The following CBFB variants were observed in gnomAD, a reference collection of about 807,000 sequenced individuals.
The protein encoded by CBFB is core-binding factor subunit beta.
CBFB carries 9 observed loss-of-function variants against 30.4 expected under a neutral mutation model. That is an observed-to-expected ratio of 0.30 (90% CI 0.18 to 0.52). The LOEUF is 0.52. CBFB is among the 20% of genes least tolerant of loss of function. CBFB has a pLI of 0.97. For synonymous variants in CBFB, 94 were observed against 84.0 expected, an observed-to-expected ratio of 1.12 and a Z score of -0.65; for missense variants, 170 against 244.0, an observed-to-expected ratio of 0.70 and a Z score of 2.02.
intron 4 of CBFB, 169 bp downstream of exon 4, chr16:67,066,967 G>A (rs1597144944): frequency 2.2e-6 from 1 of 452,066 alleles, no homozygotes. Context: ...TCCTGATTTT[G>A]GGAAAGTTTT....
chr16:67,056,600 C>T (rs1960731068), intron 3 of CBFB, among the ~76,000 whole-genome samples: 2 of 151,860 alleles, frequency 1.3e-5, no homozygotes, highest in Non-Finnish European at 2.9e-5. Flanking sequence ...TGTAAACATC[C>T]CGTGTAACAT....
intron 3 of CBFB, among the ~76,000 whole-genome samples, chr16:67,043,822 A>G (rs1285082809): frequency 6.6e-6 from 1 of 152,198 alleles, no homozygotes; most frequent in Non-Finnish European, 1.5e-5. Flanking sequence ...TAACTGATTG[A>G]TAGAGTGTTT....
intron 5 of CBFB, among the ~76,000 whole-genome samples, chr16:67,084,165 C>CAAA (rs368748767): frequency 0.014 from 781 of 53,928 alleles, 32 homozygotes; most frequent in African/African-American, 0.047. Flanking sequence ...GACCCTACCT[C>CAAA]AAAAAAAAAA....
chr16:67,081,683 G>A (rs1272945740), intron 4 of CBFB, among the ~76,000 whole-genome samples: 1 of 152,028 alleles, frequency 6.6e-6, no homozygotes, highest in Non-Finnish European at 1.5e-5. Flanking sequence ...GTGCGTGCCT[G>A]TAGTCCCAGC....
At chr16:67,046,550 T>C (rs571678918) in intron 3 of CBFB, among the ~76,000 whole-genome samples, 144 of 152,344 alleles carry the variant, frequency 9.5e-4, no homozygotes, top group Non-Finnish European at 1.7e-3. Flanking sequence ...AGGTATAATT[T>C]ACATGTAGTA....
intron 5 of CBFB, among the ~76,000 whole-genome samples, chr16:67,083,809 C>T (rs1416262902): frequency 1.3e-5 from 2 of 151,644 alleles, no homozygotes; most frequent in Non-Finnish European, 2.9e-5. Flanking sequence ...TTAAACAGAC[C>T]TCAATTATAA....
chr16:67,089,183 A>G (rs917573056), intron 5 of CBFB, among the ~76,000 whole-genome samples: 6 of 152,330 alleles, frequency 3.9e-5, no homozygotes, highest in Non-Finnish European at 8.8e-5. Flanking sequence ...TGTTTATGTT[A>G]GTAACCTTTA....
intron 3 of CBFB, among the ~76,000 whole-genome samples, chr16:67,054,184 T>C (rs968887822): frequency 3.9e-5 from 6 of 152,136 alleles, no homozygotes; most frequent in African/African-American, 1.4e-4. Flanking sequence ...TGTTTCTTGG[T>C]TTACGGTCTC....
chr16:67,086,948 C>G (rs1961748114), intron 5 of CBFB, among the ~76,000 whole-genome samples: 1 of 151,850 alleles, frequency 6.6e-6, no homozygotes, highest in Admixed American at 6.6e-5. Flanking sequence ...GGGTAGTATA[C>G]TTAGAGGGAT....
chr16:67,040,694 A>C (rs1358908278), intron 3 of CBFB, among the ~76,000 whole-genome samples: 1 of 152,210 alleles, frequency 6.6e-6, no homozygotes, highest in African/African-American at 2.4e-5. Context: ...AATATACATA[A>C]TAAGTTATGT....
At chr16:67,051,276 T>C (rs1168405410) in intron 3 of CBFB, among the ~76,000 whole-genome samples, 2 of 152,188 alleles carry the variant, frequency 1.3e-5, no homozygotes, top group South Asian at 2.1e-4. Context: ...ACAATCCACA[T>C]GTGGCTGTTG....
At chr16:67,067,456 T>A (rs1961093371) in intron 4 of CBFB, among the ~76,000 whole-genome samples, 1 of 152,144 alleles carries the variant, frequency 6.6e-6, no homozygotes, top group South Asian at 2.1e-4. Context: ...AGGCAGAGAT[T>A]GCGGTGAGCC....
At chr16:67,039,160 C>T (rs961484302) in intron 3 of CBFB, among the ~76,000 whole-genome samples, 2 of 152,164 alleles carry the variant, frequency 1.3e-5, no homozygotes, top group Non-Finnish European at 2.9e-5. Flanking sequence ...TAGCCTACTA[C>T]ACACTTAGGC....
chr16:67,082,296 G>A lies in CBFB; in HGVS notation c.483G>A (p.Arg161=), dbSNP rs759657132. 6.2e-7 allele frequency: 1 copy of A among 1,612,336 alleles called. No homozygotes were observed. The highest frequency in any genetic ancestry group is 8.5e-7 in the Non-Finnish European group (1 of 1,178,652). The change falls in exon 5 of 6, where the codon CGG becomes CGA. Residue 161 remains arginine (R), a synonymous_variant. Coordinates refer to ENST00000412916, the MANE Select transcript of CBFB (RefSeq NM_022845.3). ...TTGAAGATAGAGACAGGTCTCATCG[G>A]GAGGAAATGGAGGTGAGAGTTTCAC... ...REFEDRDRSH[R]EEMEARRQQD...
chr16:67,100,609 C>T lies in CBFB; in HGVS notation c.*1831C>T, dbSNP rs1962192934. 2 of 224,352 alleles carry T rather than the reference C, an allele frequency of 8.9e-6. No individual in the cohort carries two copies. The highest frequency in any genetic ancestry group is 2.2e-5 in the African/African-American group (1 of 44,858). The allele number at this position is 224,352 out of a possible 1,614,324, so 13.9% of individuals were successfully genotyped here. A position where few individuals can be genotyped will look rare whatever the true frequency, so the allele number is the denominator to read the frequency against. ...TGTTTTATGTTACTTTATTACAGAGCTCCTTGGTTTTTTACTTCTGCACTT... is the reference window on the plus strand; with the variant it reads ...TGTTTTATGTTACTTTATTACAGAGTTCCTTGGTTTTTTACTTCTGCACTT... On this transcript the variant is annotated 3_prime_UTR_variant, in exon 6 of 6. Transcript: ENST00000412916.
chr16:67,031,402 G>A (rs532948677), intron 2 of CBFB, among the ~76,000 whole-genome samples: 2 of 152,336 alleles, frequency 1.3e-5, no homozygotes, highest in Admixed American at 6.5e-5. Flanking sequence ...GTCATCCTTT[G>A]CCTGGGTTAC....
intron 4 of CBFB, among the ~76,000 whole-genome samples, chr16:67,073,026 T>G (rs1037184732): frequency 1.3e-5 from 2 of 152,192 alleles, no homozygotes; most frequent in African/African-American, 4.8e-5. Context: ...TACTTTTATT[T>G]TCTTCATAAA....
rs1448881335 is a variant in CBFB at position 67,088,222 on chromosome 16, T to C, written c.495+5914T>C. 1.3e-5 allele frequency among the ~76,000 whole-genome samples: 2 copies of C among 152,204 alleles called. 1 individual carries two copies. The highest frequency in any genetic ancestry group is 1.3e-4 in the Admixed American group (2 of 15,276). On this transcript the variant is annotated intron_variant, in intron 5 of 5. Coordinates refer to ENST00000412916, the MANE Select transcript of CBFB (RefSeq NM_022845.3). ...TGTGTGTCTTTTGGCACTTAGCGTGTATATATTTTGCTTCTTTGTCTTTTT... is the reference window on the plus strand; with the variant it reads ...TGTGTGTCTTTTGGCACTTAGCGTGCATATATTTTGCTTCTTTGTCTTTTT...
chr16:67,068,990 G>A (rs1961140001), intron 4 of CBFB, among the ~76,000 whole-genome samples: 1 of 152,100 alleles, frequency 6.6e-6, no homozygotes, highest in African/African-American at 2.4e-5. Context: ...CAAGGCGGGC[G>A]GATCACCTGA....
Sources: gnomAD v4.1 joint callset for allele counts (sites outside exome capture counted in the v4.1 genomes callset) on GRCh38, gnomAD v4.1.1 for gene constraint, MANE v1.5 for transcripts, NCBI Gene and HGNC (gene_info 2026-07-23, HGNC 2026-07-21) for gene names.